The following HSPA12A variants were observed in gnomAD, a reference collection of about 807,000 sequenced individuals.
HSPA12A encodes heat shock 70 kDa protein 12A.
A neutral mutation model predicts 69.2 loss-of-function variants in HSPA12A; 28 were observed. The ratio of observed to expected loss-of-function variants is 0.40; its 90% CI spans 0.30 to 0.55. The LOEUF (loss-of-function observed/expected upper bound fraction) is 0.55, where lower values mean the gene tolerates loss of function less well. Among genes scored for constraint, HSPA12A ranks in the 20% least tolerant of loss-of-function variants. The pLI, the probability that HSPA12A is intolerant of heterozygous loss-of-function variation, is 0.38. For missense variants in HSPA12A, 686 were observed against 900.7 expected (o/e 0.76, Z 3.05); for synonymous variants, 345 against 370.5 (o/e 0.93, Z 0.79).
intron 1 of HSPA12A, among the ~76,000 whole-genome samples, chr10:116,837,484 C>CT (rs1845734864): frequency 6.6e-6 from 1 of 152,050 alleles, no homozygotes; most frequent in South Asian, 2.1e-4. Context: ...AAACATCTGC[C>CT]TACTTACTGA....
At chr10:116,722,231 G>A (rs920335916) in intron 1 of HSPA12A, among the ~76,000 whole-genome samples, 1 of 152,162 alleles carries the variant, frequency 6.6e-6, no homozygotes, top group African/African-American at 2.4e-5. Flanking sequence ...CGGGTCAGGC[G>A]CAGGGTGACT....
intron 3 of HSPA12A, among the ~76,000 whole-genome samples, chr10:116,702,472 C>T (rs2907241): frequency 0.52 from 79,493 of 152,046 alleles, 21,107 homozygotes; most frequent in Middle Eastern, 0.66. Context: ...GATGGAGCTC[C>T]GGCCTCCACT....
intron 9 of HSPA12A, among the ~76,000 whole-genome samples, chr10:116,680,771 C>T (rs1436568871): frequency 2.0e-5 from 3 of 152,204 alleles, no homozygotes; most frequent in African/African-American, 7.2e-5. Context: ...AGGCGTGAGC[C>T]ACCGCACTTG....
chr10:116,705,262 T>A lies in HSPA12A; in HGVS notation c.143A>T (p.Asn48Ile). Residue 48 changes from asparagine to isoleucine, a missense_variant, in exon 3 of 12, where the codon AAC becomes ATC. By Grantham distance (149) the Asn-to-Ile change is moderately radical. Transcript: ENST00000369209. ...PSHIVNDTDSNVSEQQSFLVV... is the reference protein window; with the variant it reads ...PSHIVNDTDSIVSEQQSFLVV... Reference sequence around the variant, plus strand: ...GAGAAATGACTGCTGTTCTGAGACGTTGGAGTCAGTGTCGTTCTGCAGATA... The same window carrying A: ...GAGAAATGACTGCTGTTCTGAGACGATGGAGTCAGTGTCGTTCTGCAGATA... 1 of 1,613,908 alleles carries A rather than the reference T, an allele frequency of 6.2e-7. No individual in the cohort carries two copies. The highest frequency in any genetic ancestry group is 2.2e-5 in the East Asian group (1 of 44,858).
chr10:116,689,816 A>G (rs1849685211), intron 6 of HSPA12A, among the ~76,000 whole-genome samples: 1 of 147,844 alleles, frequency 6.8e-6, no homozygotes, highest in Non-Finnish European at 1.5e-5. Context: ...AAAAAAAAAA[A>G]CAATGACCCA....
At chr10:116,727,473 C>A (rs1554885170) in intron 1 of HSPA12A, among the ~76,000 whole-genome samples, 2 of 152,026 alleles carry the variant, frequency 1.3e-5, no homozygotes, top group Admixed American at 1.3e-4. Context: ...TCCTATTGGC[C>A]AAAACAAATC....
intron 2 of HSPA12A, among the ~76,000 whole-genome samples, chr10:116,793,587 C>T (rs1447441516): frequency 2.0e-5 from 3 of 151,182 alleles, no homozygotes; most frequent in South Asian, 2.1e-4. Context: ...AAACAACAAA[C>T]AAACAAAAAA....
rs193049688 is a variant in HSPA12A, at chr10:116,791,841, C to T, written c.91+43094G>A. Among the ~76,000 whole-genome samples the T allele has an allele frequency of 4.9e-3, 745 of 152,164 alleles. 6 individuals carry two copies. The highest frequency in any genetic ancestry group is 7.9e-3 in the Non-Finnish European group (540 of 68,028). ...TCCCTGCCTGCAGAATCTTCCATCT[C>T]GGTAAACAGGCTTCACTCCTGCCTT... On this transcript the variant is annotated intron_variant, in intron 2 of 12. Coordinates refer to the HSPA12A transcript ENST00000635765.
chr10:116,707,171 A>G (rs1850281566), intron 2 of HSPA12A, 29 bp downstream of exon 2: 2 of 1,526,642 alleles, frequency 1.3e-6, no homozygotes, highest in East Asian at 4.6e-5. Flanking sequence ...ACACACACAC[A>G]CACACACACA....
In HSPA12A at chr10:116,707,182, C is replaced by CCT. The variant is rs1156733726; in HGVS notation, c.126+17_126+18insAG. On this transcript the variant is annotated intron_variant, in intron 2 of 11. Coordinates refer to ENST00000369209, the MANE Select transcript of HSPA12A (RefSeq NM_025015.3). The stretch of plus-strand genomic sequence containing the variant: ...ACACACACACACACACACACACACA[C>CCT]ACACACACACTTCTTACCACAATAT... 6.4e-7 allele frequency: 1 copy of CCT among 1,573,064 alleles called. No individual in the cohort carries two copies. Among genetic ancestry groups the CCT allele is most frequent in the Non-Finnish European group, 8.7e-7 (1 of 1,152,006 alleles).
chr10:116,806,032 G>A (rs1845061374), intron 2 of HSPA12A, among the ~76,000 whole-genome samples: 2 of 152,148 alleles, frequency 1.3e-5, no homozygotes, highest in African/African-American at 4.8e-5. Context: ...CCTCTGTGAT[G>A]GACTGAAGGC....
At chr10:116,849,466 C>G in intron 1 of HSPA12A, 1 of 1,416,264 alleles carries the variant, frequency 7.1e-7, no homozygotes, top group Admixed American at 2.9e-5. Context: ...CTGGAAGCCA[C>G]GCGAGATCTG....
intron 2 of HSPA12A, among the ~76,000 whole-genome samples, chr10:116,826,184 CTCCACCTTCATCTCTGCTG>C (rs1845502080): frequency 6.6e-6 from 1 of 152,204 alleles, no homozygotes; most frequent in South Asian, 2.1e-4. Context: ...CCCCGCCTCC[CTCCACCTTCATCTCTGCTG>C]TCCACCTTCA....
intron 2 of HSPA12A, among the ~76,000 whole-genome samples, chr10:116,784,791 T>C (rs1212979634): frequency 6.6e-6 from 1 of 151,706 alleles, no homozygotes; most frequent in East Asian, 1.9e-4. Context: ...ATCTTTGGAC[T>C]AGATGGGATA....
intron 2 of HSPA12A, chr10:116,831,625 C>T (rs754028447): frequency 6.6e-6 from 1 of 152,134 alleles, no homozygotes; most frequent in African/African-American, 2.4e-5. Flanking sequence ...GTCCCCATCG[C>T]GATGATCAGC....
intron 2 of HSPA12A, among the ~76,000 whole-genome samples, chr10:116,827,172 C>T (rs964368206): frequency 6.6e-6 from 1 of 152,184 alleles, no homozygotes; most frequent in Non-Finnish European, 1.5e-5. Context: ...TCTAGAATAT[C>T]ATTAATACCT....
At chr10:116,742,671 T>C, upstream of HSPA12A, 2 of 912,114 alleles carry the variant, frequency 2.2e-6, no homozygotes, top group East Asian at 1.1e-4. Context: ...CCCTCCGAGC[T>C]CGGGCCGGCC....
At chr10:116,754,338 G>A (rs1843781489) in intron 2 of HSPA12A, among the ~76,000 whole-genome samples, 1 of 152,120 alleles carries the variant, frequency 6.6e-6, no homozygotes, top group Non-Finnish European at 1.5e-5. Context: ...AGAAAATTAT[G>A]TATTTCATCC....
At chr10:116,811,618 C>T (rs1198209649) in intron 2 of HSPA12A, among the ~76,000 whole-genome samples, 3 of 149,478 alleles carry the variant, frequency 2.0e-5, no homozygotes, top group Admixed American at 1.3e-4. Context: ...TTGGCCTTGC[C>T]GTCCCCATCC....
Sources: allele counts gnomAD v4.1 joint callset (sites outside exome capture counted in the v4.1 genomes callset), GRCh38; gene constraint gnomAD v4.1.1; transcripts MANE v1.5; gene names NCBI Gene and HGNC (gene_info 2026-07-23, HGNC 2026-07-21).